TNIK: variants seen among roughly 807,000 people sequenced by gnomAD.
TNIK encodes the protein TRAF2 and NCK-interacting protein kinase.
In TNIK, 49 loss-of-function variants were observed where a neutral mutation model predicts 191.3. The observed-to-expected ratio is 0.26, with a 90% CI of 0.20 to 0.32. The LOEUF (loss-of-function observed/expected upper bound fraction) is 0.32, where lower values mean the gene tolerates loss of function less well. TNIK is among the 10% of genes least tolerant of loss of function. The pLI is 1.00. For missense variants in TNIK, 1,155 were observed against 1,702.3 expected (o/e 0.68, Z 5.66); for synonymous variants, 594 against 600.9 (o/e 0.99, Z 0.17).
chr3:171,066,806 ACTGC>A, intron 30 of TNIK, 71 bp from the exon 31 acceptor site: 3 of 1,501,334 alleles, frequency 2.0e-6, no homozygotes, highest in African/African-American at 1.4e-5. Context: ...ATCTCTAACA[ACTGC>A]AAAAAAGAGG....
intron 22 of TNIK, among the ~76,000 whole-genome samples, chr3:171,100,843 A>T (rs2108448388): frequency 6.6e-6 from 1 of 152,218 alleles, no homozygotes; most frequent in South Asian, 2.1e-4. Flanking sequence ...CTGCAAAGAG[A>T]CTGACAGTAT....
intron 9 of TNIK, among the ~76,000 whole-genome samples, chr3:171,171,375 G>A (rs1027279906): frequency 2.0e-5 from 3 of 151,822 alleles, no homozygotes; most frequent in African/African-American, 4.8e-5. Context: ...ATAAAATAAC[G>A]GGGGTGATTT....
At chr3:171,218,807 A>G (rs1436637167) in intron 3 of TNIK, among the ~76,000 whole-genome samples, 1 of 129,632 alleles carries the variant, frequency 7.7e-6, no homozygotes, top group Non-Finnish European at 1.6e-5. Context: ...TTATATATTA[A>G]ATACATATTT....
Position 171,159,155 on chromosome 3 carries a change from G to A in TNIK, c.1017-1491C>T, listed in dbSNP as rs1733633891. On this transcript the variant is annotated intron_variant, in intron 11 of 32. Coordinates refer to ENST00000436636, the MANE Select transcript of TNIK (RefSeq NM_015028.4). The surrounding 1 kb of genome is among the most constrained non-coding windows in gnomAD (Gnocchi z 4.1). ...AAGCACAGCAAGCCGGACTGCTGCTGCAGAGTGGTTCTGGGGTGGGGACAC... is the reference window on the plus strand; with the variant it reads ...AAGCACAGCAAGCCGGACTGCTGCTACAGAGTGGTTCTGGGGTGGGGACAC... Among the ~76,000 whole-genome samples, 1 of 152,172 alleles carries A rather than the reference G, an allele frequency of 6.6e-6. No homozygotes were observed. The highest frequency in any genetic ancestry group is 1.5e-5 in the Non-Finnish European group (1 of 68,040).
intron 1 of TNIK, among the ~76,000 whole-genome samples, chr3:171,380,863 G>A (rs1717934670): frequency 2.0e-5 from 3 of 152,238 alleles, no homozygotes; most frequent in African/African-American, 7.2e-5. Flanking sequence ...CCAGAGAAGG[G>A]TGAGATGGCC....
At chr3:171,197,148 T>A (rs2108855476) in intron 4 of TNIK, among the ~76,000 whole-genome samples, 1 of 152,330 alleles carries the variant, frequency 6.6e-6, no homozygotes, top group Non-Finnish European at 1.5e-5. Flanking sequence ...TGGATAAAAT[T>A]ATATGACAGT....
At chr3:171,430,039 C>T (rs1025353064) in intron 1 of TNIK, among the ~76,000 whole-genome samples, 24 of 152,092 alleles carry the variant, frequency 1.6e-4, no homozygotes, top group Admixed American at 1.6e-3. Context: ...GTAGATAGAG[C>T]CCACCTCCCT....
At chr3:171,349,026 G>GAAA (rs35412267) in intron 2 of TNIK, among the ~76,000 whole-genome samples, 1 of 146,978 alleles carries the variant, frequency 6.8e-6, no homozygotes, top group South Asian at 2.2e-4. Context: ...GATGAACTTG[G>GAAA]AAAAAAAAAA....
intron 2 of TNIK, among the ~76,000 whole-genome samples, chr3:171,237,433 T>C (rs1054434342): frequency 6.6e-6 from 1 of 151,852 alleles, no homozygotes; most frequent in African/African-American, 2.4e-5. Flanking sequence ...GCTTTAGTTG[T>C]ATCTGAACGG....
At chr3:171,397,558 T>C (rs1055353610) in intron 1 of TNIK, among the ~76,000 whole-genome samples, 25 of 152,158 alleles carry the variant, frequency 1.6e-4, no homozygotes, top group African/African-American at 5.3e-4. Flanking sequence ...ATTCCCCTCA[T>C]CTTGAAGTGA....
chr3:171,415,741 G>A (rs1722961407), intron 1 of TNIK, among the ~76,000 whole-genome samples: 1 of 151,920 alleles, frequency 6.6e-6, no homozygotes, highest in South Asian at 2.1e-4. Flanking sequence ...AGCACTTTGG[G>A]ATGTAGAGGC....
intron 22 of TNIK, 114 bp downstream of exon 22, chr3:171,101,335 A>C: frequency 8.1e-7 from 1 of 1,240,174 alleles, no homozygotes; most frequent in East Asian, 2.4e-5. Context: ...CCGAAAGTCA[A>C]TTTATCTTGC....
intron 32 of TNIK, 87 bp downstream of exon 32, chr3:171,066,100 A>C: frequency 6.6e-7 from 1 of 1,525,022 alleles, no homozygotes; most frequent in Non-Finnish European, 8.9e-7. Flanking sequence ...TGTGATTCAA[A>C]TCAGTATAAA....
At position 171,077,299 on chromosome 3, in the gene TNIK, C is replaced by T. The variant is rs556450144; in HGVS notation, c.3448+2219G>A. Among the ~76,000 whole-genome samples the T allele has an allele frequency of 1.5e-4, 23 of 152,208 alleles. 1 individual carries two copies. In the East Asian group the frequency reaches 4.4e-3, roughly 29 times the overall value. ...GACTTGTCACCCCAGGTTCCCTTCA[C>T]CATCATTCTGGGTATTTTCGTCATC... On this transcript the variant is annotated intron_variant, in intron 28 of 32. Coordinates refer to ENST00000436636, the MANE Select transcript of TNIK (RefSeq NM_015028.4).
At chr3:171,089,462 T>G (rs143085975) in intron 23 of TNIK, among the ~76,000 whole-genome samples, 9 of 152,314 alleles carry the variant, frequency 5.9e-5, no homozygotes, top group African/African-American at 2.2e-4. Context: ...CTTTGGAATT[T>G]TTTGGCCTCT....
At chr3:171,328,237 T>C (rs1756033397) in intron 2 of TNIK, among the ~76,000 whole-genome samples, 1 of 152,174 alleles carries the variant, frequency 6.6e-6, no homozygotes, top group Non-Finnish European at 1.5e-5. Context: ...TCGGATCATC[T>C]ATGAACCAGG....
At chr3:171,215,494 C>T (rs185460776) in intron 3 of TNIK, among the ~76,000 whole-genome samples, 1 of 152,296 alleles carries the variant, frequency 6.6e-6, no homozygotes, top group East Asian at 1.9e-4. Flanking sequence ...TGTTAAACCT[C>T]AGATTCAAGA....
intron 3 of TNIK, among the ~76,000 whole-genome samples, chr3:171,211,904 T>G (rs1447808768): frequency 6.6e-6 from 1 of 152,158 alleles, no homozygotes; most frequent in Non-Finnish European, 1.5e-5. Context: ...CAGGTTTCAT[T>G]CACTATGAAT....
intron 2 of TNIK, among the ~76,000 whole-genome samples, chr3:171,286,843 G>T (rs34125407): frequency 0.026 from 3,893 of 152,284 alleles, 60 homozygotes; most frequent in Middle Eastern, 0.037. Context: ...AGCTCTGTGT[G>T]CTGTTATAGT....
Sources: allele counts gnomAD v4.1 joint callset (sites outside exome capture counted in the v4.1 genomes callset), GRCh38; gene constraint gnomAD v4.1.1; non-coding constraint Gnocchi (gnomAD v3.1); transcripts MANE v1.5; gene names NCBI Gene and HGNC (gene_info 2026-07-23, HGNC 2026-07-21).